The following DOCK5 variants were observed in gnomAD, a reference collection of about 807,000 sequenced individuals.
DOCK5 encodes dedicator of cytokinesis protein 5.
DOCK5 carries 142 observed loss-of-function variants against 251.8 expected under a neutral mutation model. The observed-to-expected ratio is 0.56, with a 90% CI of 0.49 to 0.65. DOCK5 has a LOEUF of 0.65. Among genes scored for constraint, DOCK5 ranks in the 30% least tolerant of loss-of-function variants. DOCK5 has a pLI of 0.00. For missense variants in DOCK5, 2,111 were observed against 2,312.3 expected (o/e 0.91, Z 1.79); for synonymous variants, 842 against 835.5 (o/e 1.01, Z -0.13).
At chr8:25,193,167 G>C (rs1475252975) in intron 1 of DOCK5, among the ~76,000 whole-genome samples, 5 of 152,108 alleles carry the variant, frequency 3.3e-5, no homozygotes, top group Admixed American at 3.3e-4. Context: ...TGCTCCTAGG[G>C]GAGAGGCAGG....
intron 10 of DOCK5, among the ~76,000 whole-genome samples, chr8:25,303,631 T>G (rs1423415731): frequency 1.3e-5 from 2 of 152,186 alleles, no homozygotes; most frequent in Non-Finnish European, 1.5e-5. Context: ...GGTTCCATAC[T>G]TACTAAAAAG....
chr8:25,315,669 G>T (rs556375901), intron 13 of DOCK5, among the ~76,000 whole-genome samples: 5 of 152,196 alleles, frequency 3.3e-5, no homozygotes, highest in Admixed American at 6.5e-5. Flanking sequence ...ATAAATTATT[G>T]CCCACATTTT....
chr8:25,192,523 A>G (rs953035671), intron 1 of DOCK5, among the ~76,000 whole-genome samples: 4 of 152,086 alleles, frequency 2.6e-5, no homozygotes, highest in African/African-American at 9.7e-5. Flanking sequence ...TTTTCTTTTA[A>G]GAGATAGGGT....
At chr8:25,377,125 T>A (rs1396542527) in intron 37 of DOCK5, among the ~76,000 whole-genome samples, 180 bp from the exon 38 acceptor site, 1 of 152,228 alleles carries the variant, frequency 6.6e-6, no homozygotes, top group African/African-American at 2.4e-5. Context: ...GCTCCTTCAT[T>A]TGGCATGATA....
chr8:25,254,949 GA>G (rs1803382257), intron 2 of DOCK5, among the ~76,000 whole-genome samples: 2 of 152,172 alleles, frequency 1.3e-5, no homozygotes, highest in Non-Finnish European at 2.9e-5. Flanking sequence ...GTAAGTGTGT[GA>G]AAAGATATTC....
intron 1 of DOCK5, among the ~76,000 whole-genome samples, chr8:25,186,156 T>C (rs560554671): frequency 6.2e-4 from 94 of 152,226 alleles, no homozygotes; most frequent in African/African-American, 2.2e-3. Context: ...TGTTGTTGTT[T>C]GTTTTGTTTT....
At chr8:25,314,467 C>G (rs960729724) in intron 13 of DOCK5, among the ~76,000 whole-genome samples, 1 of 151,936 alleles carries the variant, frequency 6.6e-6, no homozygotes, top group Non-Finnish European at 1.5e-5. Context: ...CCATTTGGAC[C>G]TCATAATTCT....
At chr8:25,275,221 G>A (rs1358261247) in intron 3 of DOCK5, among the ~76,000 whole-genome samples, 165 bp from the exon 4 acceptor site, 1 of 152,154 alleles carries the variant, frequency 6.6e-6, no homozygotes, top group East Asian at 1.9e-4. Flanking sequence ...CCATGCTTTT[G>A]TGGAGGTAGC....
chr8:25,208,516 A>G (rs563492883), intron 1 of DOCK5, among the ~76,000 whole-genome samples: 10 of 152,356 alleles, frequency 6.6e-5, no homozygotes, highest in African/African-American at 2.2e-4. Flanking sequence ...GCTGCTATCA[A>G]TATCAAAGCA....
chr8:25,221,417 T>C (rs1469781967), intron 1 of DOCK5, among the ~76,000 whole-genome samples: 1 of 152,196 alleles, frequency 6.6e-6, no homozygotes, highest in Admixed American at 6.5e-5. Context: ...CAAGCAATTC[T>C]CCTGCCTCAG....
At chr8:25,366,604 T>G (rs1800780924) in intron 30 of DOCK5, among the ~76,000 whole-genome samples, 1 of 152,126 alleles carries the variant, frequency 6.6e-6, no homozygotes, top group African/African-American at 2.4e-5. Context: ...AAGTACATAC[T>G]ATAAATAGAT....
intron 44 of DOCK5, 105 bp downstream of exon 44, chr8:25,392,987 C>T (rs1801287332): frequency 1.1e-6 from 1 of 916,574 alleles, no homozygotes; most frequent in Admixed American, 2.2e-5. Context: ...TGGCCAGCCT[C>T]CTCTGGCCAA....
At chr8:25,403,380 A>G (rs1279608344) in intron 47 of DOCK5, among the ~76,000 whole-genome samples, 178 bp from the exon 48 acceptor site, 1 of 152,190 alleles carries the variant, frequency 6.6e-6, no homozygotes, top group Non-Finnish European at 1.5e-5. Flanking sequence ...TAACAGTATC[A>G]GTACATGCAA....
chr8:25,231,944 T>G (rs1024730296), intron 1 of DOCK5, among the ~76,000 whole-genome samples: 1 of 152,200 alleles, frequency 6.6e-6, no homozygotes, highest in Non-Finnish European at 1.5e-5. Flanking sequence ...CATCATAATA[T>G]GTTGGGTGAT....
chr8:25,235,016 C>T (rs550980834), intron 1 of DOCK5, among the ~76,000 whole-genome samples: 3 of 152,198 alleles, frequency 2.0e-5, no homozygotes, highest in South Asian at 2.1e-4. Flanking sequence ...AAGCTGGACA[C>T]GGCGAGAAAG....
intron 38 of DOCK5, among the ~76,000 whole-genome samples, chr8:25,378,734 C>A (rs970172964): frequency 3.9e-5 from 6 of 152,208 alleles, no homozygotes; most frequent in Non-Finnish European, 8.8e-5. Flanking sequence ...TAAAACTCAT[C>A]CACTAAGTAG....
intron 48 of DOCK5, among the ~76,000 whole-genome samples, chr8:25,404,146 C>T (rs180907069): frequency 6.6e-6 from 1 of 152,288 alleles, no homozygotes; most frequent in Admixed American, 6.5e-5. Flanking sequence ...ATGATGCTAA[C>T]ATTCAGGTTC....
intron 2 of DOCK5, among the ~76,000 whole-genome samples, chr8:25,252,302 A>G (rs1434042539): frequency 6.6e-6 from 1 of 152,210 alleles, no homozygotes; most frequent in Non-Finnish European, 1.5e-5. Context: ...TCAGTTCTTA[A>G]TAGAATGTGT....
chr8:25,331,012 G>A (rs1436252240), intron 18 of DOCK5, among the ~76,000 whole-genome samples: 2 of 152,032 alleles, frequency 1.3e-5, no homozygotes, highest in African/African-American at 4.8e-5. Context: ...GGAGGTGGAG[G>A]TTGCAGGTTG....
Sources: allele counts gnomAD v4.1 joint callset (sites outside exome capture counted in the v4.1 genomes callset), GRCh38; gene constraint gnomAD v4.1.1; transcripts MANE v1.5; gene names NCBI Gene and HGNC (gene_info 2026-07-23, HGNC 2026-07-21).